The following ABHD2 variants were observed in gnomAD, a reference collection of about 807,000 sequenced individuals.
ABHD2 encodes the protein abhydrolase domain containing 2, acylglycerol lipase.
ABHD2 carries 20 observed loss-of-function variants against 48.1 expected under a neutral mutation model. That is an observed-to-expected ratio of 0.42 (90% CI 0.29 to 0.60). ABHD2 has a LOEUF of 0.60. Ranked by LOEUF, ABHD2 falls within the 20% of genes least tolerant of loss-of-function variation. The probability of loss-of-function intolerance (pLI) is 0.24; values close to 1 mark genes in which losing one functional copy is unlikely to be tolerated. For missense variants in ABHD2, 405 were observed against 550.9 expected (o/e 0.74, Z 2.65); for synonymous variants, 209 against 214.2 (o/e 0.98, Z 0.21).
At chr15:89,165,898 C>G in intron 5 of ABHD2, among the ~76,000 whole-genome samples, 1 of 152,344 alleles carries the variant, frequency 6.6e-6, no homozygotes, top group East Asian at 1.9e-4. Context: ...TCTTCTGTCT[C>G]TCTTTGGCCG....
At chr15:89,127,902 G>A (rs182592961) in intron 3 of ABHD2, among the ~76,000 whole-genome samples, 24 of 151,592 alleles carry the variant, frequency 1.6e-4, no homozygotes, top group Middle Eastern at 3.4e-3. Context: ...TTCTCAAATC[G>A]TAGCTCTTCT....
chr15:89,191,525 G>A (rs1426487370), intron 9 of ABHD2, among the ~76,000 whole-genome samples: 1 of 152,008 alleles, frequency 6.6e-6, no homozygotes, highest in Non-Finnish European at 1.5e-5. Context: ...TGTTACCATA[G>A]TGCCTAAGAC....
chr15:89,182,344 G>A lies in ABHD2; in HGVS notation c.723-3080G>A, dbSNP rs763510260. On this transcript the variant is annotated intron_variant, in intron 6 of 10. Transcript: ENST00000352732. This position sits in a 1 kb window ranked among gnomAD's most constrained non-coding sequence, Gnocchi z 4.8. ...CCATTCCCTCCCTGTAATTCTGCCC[G>A]AGCTGCCCCTCCCAGGGTTCCACAC... Among the ~76,000 whole-genome samples, 3 of 152,082 alleles carry A rather than the reference G, an allele frequency of 2.0e-5. No homozygotes were observed. The highest frequency in any genetic ancestry group is 2.1e-4 in the South Asian group (1 of 4,824).
chr15:89,061,599 G>A, the ABHD2 span, among the ~76,000 whole-genome samples: 36 of 151,782 alleles, frequency 2.4e-4, no homozygotes, highest in South Asian at 4.2e-3. Flanking sequence ...CTGAGACAAG[G>A]TCTCACTTTA....
Position 89,164,563 on chromosome 15 carries a change from G to A in ABHD2, c.538+9029G>A, listed in dbSNP as rs1302472282. Among the ~76,000 whole-genome samples, 1 of 152,100 alleles carries A rather than the reference G, an allele frequency of 6.6e-6. No individual in the cohort carries two copies. Among genetic ancestry groups the A allele is most frequent in the East Asian group, 1.9e-4 (1 of 5,178 alleles). ...GCACTTTGGGACGCCCAGGCTGGCA[G>A]ATCACTTGAGCCCAGGAGTTTGAGA... On this transcript the variant is annotated intron_variant, in intron 5 of 10. Transcript: ENST00000352732. This position sits in a 1 kb window ranked among gnomAD's most constrained non-coding sequence, Gnocchi z 5.0.
At chr15:89,117,224 C>T (rs1453252742) in intron 3 of ABHD2, among the ~76,000 whole-genome samples, 1 of 152,218 alleles carries the variant, frequency 6.6e-6, no homozygotes, top group African/African-American at 2.4e-5. Flanking sequence ...CGGGGTTTCG[C>T]CATGTTGGCC....
At position 89,197,021 on chromosome 15, in the gene ABHD2, G is replaced by C. The variant is rs1445920743; in HGVS notation, c.*1598G>C. The C allele has an allele frequency of 1.3e-5, 2 of 152,662 alleles. No homozygotes were observed. Among genetic ancestry groups the C allele is most frequent in the Non-Finnish European group, 2.9e-5 (2 of 68,052 alleles). The allele number at this position is 152,662 out of a possible 1,614,324, so 9.5% of individuals were successfully genotyped here. A position where few individuals can be genotyped will look rare whatever the true frequency, so the allele number is the denominator to read the frequency against. Reference sequence around the variant, plus strand: ...GACTCCAGGACAGACTGGAATATAAGTAGTGGGTCTGCATGGATGTTTCAG... The same window carrying C: ...GACTCCAGGACAGACTGGAATATAACTAGTGGGTCTGCATGGATGTTTCAG... On this transcript the variant is annotated 3_prime_UTR_variant, in exon 11 of 11. Transcript: ENST00000352732. This position sits in a 1 kb window ranked among gnomAD's most constrained non-coding sequence, Gnocchi z 4.4.
chr15:89,121,229 A>T (rs1459682762), intron 3 of ABHD2, among the ~76,000 whole-genome samples: 1 of 152,106 alleles, frequency 6.6e-6, no homozygotes, highest in African/African-American at 2.4e-5. Flanking sequence ...GTTTCCTTCT[A>T]TGTAAAATGA....
rs557761643 is a variant in ABHD2, at chr15:89,179,811, C to G, written c.722+3816C>G. Reference sequence around the variant, plus strand: ...CCTTAAAGGCACATTATACTCCGGGCTAAGTGGATGTGTTAACATCACTAA... The same window carrying G: ...CCTTAAAGGCACATTATACTCCGGGGTAAGTGGATGTGTTAACATCACTAA... On this transcript the variant is annotated intron_variant, in intron 6 of 10. Transcript: ENST00000352732. The surrounding 1 kb of genome is among the most constrained non-coding windows in gnomAD (Gnocchi z 4.3). 2.0e-5 allele frequency among the ~76,000 whole-genome samples: 3 copies of G among 152,246 alleles called. No individual in the cohort carries two copies. The East Asian group carries it at 5.8e-4, about 29-fold the overall frequency.
intron 3 of ABHD2, among the ~76,000 whole-genome samples, chr15:89,118,625 C>T (rs1234886057): frequency 2.0e-5 from 3 of 151,992 alleles, no homozygotes; most frequent in African/African-American, 7.3e-5. Context: ...TATTTAAAAC[C>T]CTGCAAGTTT....
chr15:89,118,897 A>G (rs992722389), intron 3 of ABHD2, among the ~76,000 whole-genome samples: 34 of 152,038 alleles, frequency 2.2e-4, no homozygotes, highest in Middle Eastern at 3.4e-3. Flanking sequence ...CATTTTCTTG[A>G]TGAGTCTAAG....
At chr15:89,088,260 G>T (rs145772937), upstream of ABHD2, 1,577 of 152,518 alleles carry the variant, frequency 0.01, 13 homozygotes, top group Middle Eastern at 0.024. The surrounding 1 kb of genome is among the most constrained non-coding windows in gnomAD (Gnocchi z 6.8). Context: ...TCTCCCCTAA[G>T]AATCCCGCCT....
At chr15:89,056,903 G>C in the ABHD2 span, among the ~76,000 whole-genome samples, 1 of 136,750 alleles carries the variant, frequency 7.3e-6, no homozygotes, top group African/African-American at 2.6e-5. Flanking sequence ...GTTTATAAGT[G>C]ATACCTTTTT....
In ABHD2 at chr15:89,100,581, C is replaced by A. The variant is rs77299386; in HGVS notation, c.-107+12018C>A. 4.5e-3 allele frequency among the ~76,000 whole-genome samples: 689 copies of A among 152,258 alleles called. 4 individuals are homozygous for A. Among genetic ancestry groups the A allele is most frequent in the African/African-American group, 0.016 (665 of 41,556 alleles). On this transcript the variant is annotated intron_variant, in intron 1 of 10. Transcript: ENST00000352732. This position sits in a 1 kb window ranked among gnomAD's most constrained non-coding sequence, Gnocchi z 4.4. ...ATTCTCCTTAGATGTTAAAAAGGAA[C>A]CTTATTGGCCAGGCAAAGTGGCTCA...
chr15:89,165,585 C>CT (rs1366853292), intron 5 of ABHD2, among the ~76,000 whole-genome samples: 1 of 151,022 alleles, frequency 6.6e-6, no homozygotes, highest in Non-Finnish European at 1.5e-5. Context: ...GTCCTTGTCT[C>CT]TAAAAAAAAA....
Position 89,097,180 on chromosome 15 carries a change from C to G in ABHD2, c.-107+8617C>G, listed in dbSNP as rs1363943221. Among the ~76,000 whole-genome samples, 1 of 152,190 alleles carries G rather than the reference C, an allele frequency of 6.6e-6. No homozygotes were observed. Among genetic ancestry groups the G allele is most frequent in the African/African-American group, 2.4e-5 (1 of 41,452 alleles). On this transcript the variant is annotated intron_variant, in intron 1 of 10. Transcript: ENST00000352732. This position sits in a 1 kb window ranked among gnomAD's most constrained non-coding sequence, Gnocchi z 4.2. ...TCATATAATGAACCTCCAAGCCCCACAAAACCCATCCCAGCTTTAACAATA... is the reference window on the plus strand; with the variant it reads ...TCATATAATGAACCTCCAAGCCCCAGAAAACCCATCCCAGCTTTAACAATA...
intron 5 of ABHD2, among the ~76,000 whole-genome samples, chr15:89,159,105 G>A (rs1307524401): frequency 6.6e-6 from 1 of 151,994 alleles, no homozygotes; most frequent in African/African-American, 2.4e-5. Context: ...CGCCGGGCAC[G>A]GTGGCTCATG....
Position 89,101,846 on chromosome 15 carries a change from C to T in ABHD2, c.-106-11879C>T, listed in dbSNP as rs114731058. 2.8e-3 allele frequency among the ~76,000 whole-genome samples: 430 copies of T among 152,276 alleles called. 2 individuals are homozygous for T. Among genetic ancestry groups the T allele is most frequent in the African/African-American group, 9.7e-3 (405 of 41,560 alleles). On this transcript the variant is annotated intron_variant, in intron 1 of 10. Transcript: ENST00000352732. ...ATGCCATCAAGGGCTTGCAGTGGGGCTCAAATGGTGAACGTCAGTGCTTGT... is the reference window on the plus strand; with the variant it reads ...ATGCCATCAAGGGCTTGCAGTGGGGTTCAAATGGTGAACGTCAGTGCTTGT...
Position 89,201,475 on chromosome 15 carries a change from G to T in ABHD2, c.*6052G>T. The T allele has an allele frequency of 6.5e-7, 1 of 1,531,366 alleles. No individual in the cohort carries two copies. The highest frequency in any genetic ancestry group is 9.0e-7 in the Non-Finnish European group (1 of 1,110,758). 94.9% of individuals were successfully genotyped at this position (1,531,366 alleles called of 1,614,324 possible). A position where few individuals can be genotyped will look rare whatever the true frequency, so the allele number is the denominator to read the frequency against. ...ATGAGGTTTTGCCTCATTCCACACA[G>T]CTTCCATATCTGAAGTGTTTAGTGG... On this transcript the variant is annotated 3_prime_UTR_variant, in exon 11 of 11. Coordinates refer to ENST00000352732, the MANE Select transcript of ABHD2 (RefSeq NM_152924.5).
Sources: allele counts gnomAD v4.1 joint callset (sites outside exome capture counted in the v4.1 genomes callset), GRCh38; gene constraint gnomAD v4.1.1; non-coding constraint Gnocchi (gnomAD v3.1); transcripts MANE v1.5; gene names NCBI Gene and HGNC (gene_info 2026-07-23, HGNC 2026-07-21).